Variants in GRIK2 observed in about 807,000 individuals in gnomAD.
GRIK2 encodes glutamate receptor ionotropic, kainate 2.
In GRIK2, 32 loss-of-function variants were observed where a neutral mutation model predicts 100.3. The ratio of observed to expected loss-of-function variants is 0.32; its 90% CI spans 0.24 to 0.43. The LOEUF is 0.43. GRIK2 is among the 20% of genes least tolerant of loss of function. The probability of loss-of-function intolerance (pLI) is 1.00; values close to 1 mark genes in which losing one functional copy is unlikely to be tolerated. For missense variants in GRIK2, 843 were observed against 1,114.9 expected, an observed-to-expected ratio of 0.76 and a Z score of 3.47; for synonymous variants, 417 against 389.4, an observed-to-expected ratio of 1.07 and a Z score of -0.83.
chr6:101,653,407 TC>T (rs1329056243), intron 4 of GRIK2, among the ~76,000 whole-genome samples: 1 of 151,584 alleles, frequency 6.6e-6, no homozygotes, highest in Non-Finnish European at 1.5e-5. Context: ...GCGCCCTCAC[TC>T]CCCACCACCT....
chr6:101,593,888 A>G (rs960459019), intron 2 of GRIK2, among the ~76,000 whole-genome samples: 6 of 151,880 alleles, frequency 4.0e-5, no homozygotes, highest in Admixed American at 1.3e-4. Context: ...AGATTGCGCT[A>G]TAAGTATTTC....
At position 102,015,828 on chromosome 6, in the gene GRIK2, A is replaced by G. The variant is rs1239087893; in HGVS notation, c.2086-19513A>G. Among the ~76,000 whole-genome samples, 5 of 152,184 alleles carry G rather than the reference A, an allele frequency of 3.3e-5. No individual in the cohort carries two copies. The South Asian group carries it at 1.0e-3, about 31-fold the overall frequency. ...CTAACCTTGAGGAACCAGAAATCAA[A>G]GCTATAACCTAATATCAATGGCTCC... On this transcript the variant is annotated intron_variant, in intron 14 of 16. Coordinates refer to ENST00000369134, the MANE Select transcript of GRIK2 (RefSeq NM_021956.5).
chr6:101,431,039 A>G (rs970175948), intron 2 of GRIK2: 2 of 252,684 alleles, frequency 7.9e-6, no homozygotes, highest in Non-Finnish European at 8.5e-6. Flanking sequence ...GTACAGGGAC[A>G]GCATGGCCCT....
intron 2 of GRIK2, among the ~76,000 whole-genome samples, chr6:101,468,531 A>T (rs1030160417): frequency 6.6e-6 from 1 of 152,146 alleles, no homozygotes; most frequent in Non-Finnish European, 1.5e-5. Context: ...GGTTAAAAAA[A>T]AAAAGTTGAA....
At position 102,015,177 on chromosome 6, in the gene GRIK2, C is replaced by G. The variant is rs973976937; in HGVS notation, c.2086-20164C>G. Reference sequence around the variant, plus strand: ...GTTAGTTCTTCTTGTTTAATTGAACCCTTTACTATTATTTAATGCCCTTCT... The same window carrying G: ...GTTAGTTCTTCTTGTTTAATTGAACGCTTTACTATTATTTAATGCCCTTCT... On this transcript the variant is annotated intron_variant, in intron 14 of 16. Transcript: ENST00000369134. 3.3e-5 allele frequency among the ~76,000 whole-genome samples: 5 copies of G among 151,268 alleles called. No individual in the cohort carries two copies. In the East Asian group the frequency reaches 7.8e-4, roughly 24 times the overall value.
chr6:101,837,432 T>C (rs1185806714), intron 10 of GRIK2, among the ~76,000 whole-genome samples: 1 of 152,212 alleles, frequency 6.6e-6, no homozygotes, highest in African/African-American at 2.4e-5. Context: ...TGTGAGGTGA[T>C]GGATATGTTA....
At chr6:101,688,044 GTGAATATTT>G (rs1313588492) in intron 7 of GRIK2, among the ~76,000 whole-genome samples, 1 of 146,670 alleles carries the variant, frequency 6.8e-6, no homozygotes, top group Non-Finnish European at 1.5e-5. Context: ...TTATGATCAT[GTGAATATTT>G]TTATATAATA....
chr6:101,949,105 G>A (rs1183641255), intron 14 of GRIK2, among the ~76,000 whole-genome samples: 2 of 151,902 alleles, frequency 1.3e-5, no homozygotes, highest in African/African-American at 2.4e-5. Context: ...TAAAAATAAT[G>A]TATATGTTCT....
At chr6:101,905,236 A>C (rs952687922) in intron 12 of GRIK2, among the ~76,000 whole-genome samples, 1 of 151,542 alleles carries the variant, frequency 6.6e-6, no homozygotes, top group Non-Finnish European at 1.5e-5. Flanking sequence ...GACAGGTAGC[A>C]ATTTTGAATG....
At chr6:101,938,258 A>G (rs1022463791) in intron 14 of GRIK2, among the ~76,000 whole-genome samples, 6 of 152,074 alleles carry the variant, frequency 3.9e-5, no homozygotes, top group Admixed American at 1.3e-4. Context: ...CAAGATGTCA[A>G]GTGATGCACC....
chr6:101,653,621 A>AT (rs1188188713), intron 4 of GRIK2, among the ~76,000 whole-genome samples: 1 of 151,108 alleles, frequency 6.6e-6, no homozygotes, highest in Non-Finnish European at 1.5e-5. Context: ...TGTCTAAAAC[A>AT]TCTTTATTTT....
chr6:101,672,625 T>C (rs543705004), intron 4 of GRIK2, among the ~76,000 whole-genome samples: 1 of 152,316 alleles, frequency 6.6e-6, no homozygotes, highest in South Asian at 2.1e-4. Flanking sequence ...TGCAGGTTTG[T>C]TACATGGGTA....
At chr6:101,604,075 T>A (rs891305702) in intron 2 of GRIK2, among the ~76,000 whole-genome samples, 1 of 151,686 alleles carries the variant, frequency 6.6e-6, no homozygotes, top group African/African-American at 2.4e-5. Context: ...TCTGAAAATA[T>A]ATATTAGCAT....
chr6:101,798,163 T>G (rs1346839592), intron 7 of GRIK2, among the ~76,000 whole-genome samples: 3 of 152,058 alleles, frequency 2.0e-5, no homozygotes, highest in Non-Finnish European at 4.4e-5. Context: ...TAAATATTTT[T>G]AAGGCTCTCT....
At chr6:101,984,380 A>G (rs572200712) in intron 14 of GRIK2, among the ~76,000 whole-genome samples, 35 of 151,726 alleles carry the variant, frequency 2.3e-4, no homozygotes, top group African/African-American at 7.2e-4. Flanking sequence ...TGGGTATAAG[A>G]TAAGTGTCTG....
intron 2 of GRIK2, among the ~76,000 whole-genome samples, chr6:101,562,828 A>C (rs1355951497): frequency 6.6e-6 from 1 of 152,144 alleles, no homozygotes; most frequent in African/African-American, 2.4e-5. Flanking sequence ...TTTTAGTAGC[A>C]CTTTAATAAT....
At chr6:101,763,097 T>G (rs535595966) in intron 7 of GRIK2, among the ~76,000 whole-genome samples, 6 of 152,254 alleles carry the variant, frequency 3.9e-5, no homozygotes, top group African/African-American at 1.4e-4. Context: ...AAATAATGTT[T>G]CAAAGAACAT....
At chr6:101,965,800 G>T (rs910040061) in intron 14 of GRIK2, among the ~76,000 whole-genome samples, 5 of 152,062 alleles carry the variant, frequency 3.3e-5, no homozygotes, top group African/African-American at 9.6e-5. Flanking sequence ...GTAGGAGGAA[G>T]GAAGGAAGGA....
chr6:101,713,502 C>T (rs888146905), intron 7 of GRIK2, among the ~76,000 whole-genome samples: 2 of 151,592 alleles, frequency 1.3e-5, no homozygotes, highest in African/African-American at 4.8e-5. Flanking sequence ...AGAAAAGATT[C>T]AAGGTGGGCT....
Sources: allele counts gnomAD v4.1 joint callset (sites outside exome capture counted in the v4.1 genomes callset), GRCh38; gene constraint gnomAD v4.1.1; transcripts MANE v1.5; gene names NCBI Gene and HGNC (gene_info 2026-07-23, HGNC 2026-07-21).